The following ELAVL3 variants were observed in gnomAD, a reference collection of about 807,000 sequenced individuals.
ELAVL3 encodes ELAV like RNA binding protein 3, also known as ELAV-like protein 3.
A neutral mutation model predicts 34.2 loss-of-function variants in ELAVL3; 8 were observed. The observed-to-expected ratio is 0.23, with a 90% CI of 0.14 to 0.42. The LOEUF (loss-of-function observed/expected upper bound fraction) is 0.42, where lower values mean the gene tolerates loss of function less well. Ranked by LOEUF, ELAVL3 falls within the 10% of genes least tolerant of loss-of-function variation. ELAVL3 has a pLI of 1.00. For missense variants in ELAVL3, 273 were observed against 518.8 expected (o/e 0.53, Z 4.60); for synonymous variants, 209 against 222.1 (o/e 0.94, Z 0.53).
At position 11,464,170 on chromosome 19, in the gene ELAVL3, T is replaced by A. The variant is rs1172930604; in HGVS notation, c.333+2002A>T. 8.9e-3 allele frequency among the ~76,000 whole-genome samples: 999 copies of A among 111,996 alleles called. 15 individuals are homozygous for A. The highest frequency in any genetic ancestry group is 0.032 in the African/African-American group (753 of 23,354). 73.5% of individuals were successfully genotyped at this position (111,996 alleles called of 152,430 possible). On this transcript the variant is annotated intron_variant, in intron 3 of 6. Coordinates refer to ENST00000359227, the MANE Select transcript of ELAVL3 (RefSeq NM_001420.4). ...CTCTCTCTATATATATATATATATT[T>A]TTTTTTTTTTTAGACAGGGTCTTGC...
intron 1 of ELAVL3, among the ~76,000 whole-genome samples, chr19:11,471,518 CAGG>C (rs1431490568): frequency 6.6e-6 from 1 of 151,944 alleles, no homozygotes; most frequent in Non-Finnish European, 1.5e-5. Context: ...GAGGCTGAGG[CAGG>C]AGAATTCCTT....
chr19:11,463,304 C>T (rs996730780), intron 3 of ELAVL3, among the ~76,000 whole-genome samples: 1 of 152,196 alleles, frequency 6.6e-6, no homozygotes, highest in Non-Finnish European at 1.5e-5. Flanking sequence ...AGCGCCCAGT[C>T]CTGACTGACC....
intron 3 of ELAVL3, among the ~76,000 whole-genome samples, chr19:11,461,489 T>C (rs1444950994): frequency 2.5e-5 from 3 of 121,772 alleles, no homozygotes. Context: ...CCTTCCTTCC[T>C]TCCTTCATTC....
At chr19:11,464,397 A>G (rs1970966752) in intron 3 of ELAVL3, among the ~76,000 whole-genome samples, 1 of 151,704 alleles carries the variant, frequency 6.6e-6, no homozygotes, top group South Asian at 2.1e-4. Context: ...TCTCGGGCTC[A>G]AGTGATCCTC....
chr19:11,457,555 C>A (rs1267691669), intron 5 of ELAVL3, among the ~76,000 whole-genome samples: 1 of 152,240 alleles, frequency 6.6e-6, no homozygotes, highest in Non-Finnish European at 1.5e-5. Flanking sequence ...TCCATTGTCT[C>A]CCCTTGGAGT....
chr19:11,476,706 C>G (rs1041897153), intron 1 of ELAVL3, among the ~76,000 whole-genome samples: 1 of 152,068 alleles, frequency 6.6e-6, no homozygotes, highest in Non-Finnish European at 1.5e-5. Flanking sequence ...CGAGACCAGC[C>G]TGGCCAACAC....
In ELAVL3 at chr19:11,471,474, G is replaced by A. The variant is rs111591479; in HGVS notation, c.10-4647C>T. Reference sequence around the variant, plus strand: ...CTAAAAATACAAAAATTAGTGGGGCGTGGTGGCACACGCCTGTAATCCCAG... The same window carrying A: ...CTAAAAATACAAAAATTAGTGGGGCATGGTGGCACACGCCTGTAATCCCAG... On this transcript the variant is annotated intron_variant, in intron 1 of 6. Coordinates refer to ENST00000359227, the MANE Select transcript of ELAVL3 (RefSeq NM_001420.4). Among the ~76,000 whole-genome samples, 1,424 of 149,692 alleles carry A rather than the reference G, an allele frequency of 9.5e-3. 16 individuals carry two copies. Among genetic ancestry groups the A allele is most frequent in the African/African-American group, 0.033 (1,343 of 40,666 alleles).
At position 11,480,444 on chromosome 19, in the gene ELAVL3, G is replaced by A. The variant is rs1387348278; in HGVS notation, c.9+156C>T. Among the ~76,000 whole-genome samples the A allele has an allele frequency of 5.3e-5, 8 of 151,834 alleles. No individual in the cohort carries two copies. The highest frequency in any genetic ancestry group is 8.8e-5 in the Non-Finnish European group (6 of 67,916). ...CCCTCAGCACTCTGGGCGCGGCCCTGCCCACTCTCAGGCCCCGAGGCTTGG... is the reference window on the plus strand; with the variant it reads ...CCCTCAGCACTCTGGGCGCGGCCCTACCCACTCTCAGGCCCCGAGGCTTGG... On this transcript the variant is annotated intron_variant, in intron 1 of 6. Coordinates refer to ENST00000359227, the MANE Select transcript of ELAVL3 (RefSeq NM_001420.4). The surrounding 1 kb of genome is among the most constrained non-coding windows in gnomAD (Gnocchi z 6.8).
At chr19:11,459,283 T>C (rs926769707) in intron 3 of ELAVL3, among the ~76,000 whole-genome samples, 2 of 151,676 alleles carry the variant, frequency 1.3e-5, no homozygotes, top group Admixed American at 1.3e-4. Context: ...CCACCACGCC[T>C]AGCTAATTTT....
chr19:11,476,041 G>A (rs116308200), intron 1 of ELAVL3, among the ~76,000 whole-genome samples: 6,847 of 152,236 alleles, frequency 0.045, 199 homozygotes, highest in East Asian at 0.11. Context: ...AAAGGAATAT[G>A]CATTGGGTTG....
rs147272600 is a variant in ELAVL3, at chr19:11,461,208, A to G, written c.334-2597T>C. Among the ~76,000 whole-genome samples the G allele has an allele frequency of 3.5e-3, 536 of 152,120 alleles. 1 individual carries two copies. The highest frequency in any genetic ancestry group is 7.1e-3 in the South Asian group (34 of 4,820). On this transcript the variant is annotated intron_variant, in intron 3 of 6. Transcript: ENST00000359227. The stretch of plus-strand genomic sequence containing the variant: ...AAAAAAAAGAGAAAAAGATGGACAT[A>G]TATATTTATTTCCCAGAAACGGTGG...
rs1156407094 is a variant in ELAVL3 at position 11,466,467 on chromosome 19, C to T, written c.229+141G>A. 6 of 1,064,374 alleles carry T rather than the reference C, an allele frequency of 5.6e-6. No homozygotes were observed. The highest frequency in any genetic ancestry group is 4.3e-5 in the South Asian group (3 of 68,970). 65.9% of individuals were successfully genotyped at this position (1,064,374 alleles called of 1,614,324 possible). ...TTCACCTAGGGGGTATACCCATCTCCCCATCAGACCTCACATCCCTAGACC... is the reference window on the plus strand; with the variant it reads ...TTCACCTAGGGGGTATACCCATCTCTCCATCAGACCTCACATCCCTAGACC... On this transcript the variant is annotated intron_variant, in intron 2 of 6. Transcript: ENST00000359227. The surrounding 1 kb of genome is among the most constrained non-coding windows in gnomAD (Gnocchi z 5.0).
chr19:11,457,996 G>A, intron 5 of ELAVL3, 65 bp downstream of exon 5: 3 of 1,528,714 alleles, frequency 2.0e-6, no homozygotes, highest in South Asian at 1.1e-5. Flanking sequence ...CAGGAATGGG[G>A]TTCAGGGAGG....
At chr19:11,477,505 T>G (rs772188606) in intron 1 of ELAVL3, among the ~76,000 whole-genome samples, 1 of 152,014 alleles carries the variant, frequency 6.6e-6, no homozygotes, top group African/African-American at 2.4e-5. Context: ...CCTCCTGCCT[T>G]AGCCTCCCAA....
chr19:11,462,653 A>G (rs1970913072), intron 3 of ELAVL3, among the ~76,000 whole-genome samples: 1 of 149,130 alleles, frequency 6.7e-6, no homozygotes, highest in Non-Finnish European at 1.5e-5. Flanking sequence ...TAAATAAATT[A>G]ATTAAGAAAT....
chr19:11,466,047 C>T lies in ELAVL3; in HGVS notation c.333+125G>A, dbSNP rs575704589. ...AAGTCTTGGAGGGGAGATTTGAGCC[C>T]CTCTGGGGATGAGTCCTGAAAGGCA... On this transcript the variant is annotated intron_variant, in intron 3 of 6. Transcript: ENST00000359227. This position sits in a 1 kb window ranked among gnomAD's most constrained non-coding sequence, Gnocchi z 5.0. 28 of 863,070 alleles carry T rather than the reference C, an allele frequency of 3.2e-5. No individual in the cohort carries two copies. The highest frequency in any genetic ancestry group is 3.1e-4 in the East Asian group (12 of 38,540). The allele number at this position is 863,070 out of a possible 1,614,324, so 53.5% of individuals were successfully genotyped here. A position where few individuals can be genotyped will look rare whatever the true frequency, so the allele number is the denominator to read the frequency against.
chr19:11,474,724 G>C (rs186470994), intron 1 of ELAVL3, among the ~76,000 whole-genome samples: 1 of 152,276 alleles, frequency 6.6e-6, no homozygotes, highest in Non-Finnish European at 1.5e-5. Flanking sequence ...CAATCGTAGT[G>C]CACTGCAGCC....
At chr19:11,479,847 C>T (rs1028051842) in intron 1 of ELAVL3, among the ~76,000 whole-genome samples, 4 of 151,738 alleles carry the variant, frequency 2.6e-5, no homozygotes, top group African/African-American at 9.7e-5. Context: ...GGTGGGGAGC[C>T]TGGACCTGGC....
intron 3 of ELAVL3, among the ~76,000 whole-genome samples, chr19:11,465,072 AC>A (rs1971008718): frequency 1.0e-5 from 1 of 99,820 alleles, no homozygotes; most frequent in African/African-American, 3.8e-5. Context: ...CATCCCACAC[AC>A]CCCACACAGA....
Sources: allele counts gnomAD v4.1 joint callset (sites outside exome capture counted in the v4.1 genomes callset), GRCh38; gene constraint gnomAD v4.1.1; non-coding constraint Gnocchi (gnomAD v3.1); transcripts MANE v1.5; gene names NCBI Gene and HGNC (gene_info 2026-07-23, HGNC 2026-07-21).